PLSCR2: variants seen among roughly 807,000 people sequenced by gnomAD.
PLSCR2 encodes the protein PL scramblase 2.
In PLSCR2, 18 loss-of-function variants were observed where a neutral mutation model predicts 25.3. The ratio of observed to expected loss-of-function variants is 0.71; its 90% confidence interval spans 0.49 to 1.06. The LOEUF is 1.06. Among genes scored for constraint, PLSCR2 ranks in the 50% least tolerant of loss-of-function variants. The probability of loss-of-function intolerance (pLI) is 0.00; values close to 1 mark genes in which losing one functional copy is unlikely to be tolerated. For missense variants in PLSCR2, 243 were observed against 269.5 expected (o/e 0.90, Z 0.69); for synonymous variants, 88 against 87.3 (o/e 1.01, Z -0.04).
chr3:146,395,072 A>G (rs1230930218), intron 3 of PLSCR2, among the ~76,000 whole-genome samples: 1 of 152,204 alleles, frequency 6.6e-6, no homozygotes, highest in African/African-American at 2.4e-5. Flanking sequence ...TGAATTACCC[A>G]GTTTCAGGTA....
At chr3:146,495,760 C>A in intron 1 of PLSCR2, 1 of 631,784 alleles carries the variant, frequency 1.6e-6, no homozygotes, top group Non-Finnish European at 2.7e-6. Context: ...TTTAAGATAC[C>A]TAGTATGAGT....
chr3:146,489,014 G>A (rs1318769374), intron 1 of PLSCR2, among the ~76,000 whole-genome samples: 1 of 152,116 alleles, frequency 6.6e-6, no homozygotes, highest in Non-Finnish European at 1.5e-5. Context: ...CATGTCCTTT[G>A]CAGGACATGG....
At chr3:146,405,934 T>C (rs890968672) in intron 2 of PLSCR2, among the ~76,000 whole-genome samples, 3 of 152,182 alleles carry the variant, frequency 2.0e-5, no homozygotes, top group African/African-American at 7.2e-5. Flanking sequence ...TTCTGGAACA[T>C]AGGTTCACCT....
intron 2 of PLSCR2, among the ~76,000 whole-genome samples, chr3:146,401,054 AAAC>A (rs1263926529): frequency 2.0e-5 from 3 of 152,034 alleles, no homozygotes; most frequent in Non-Finnish European, 2.9e-5. Context: ...TTTCTATAGG[AAAC>A]ACGAGGTAGA....
upstream of PLSCR2, among the ~76,000 whole-genome samples, chr3:146,462,614 C>T (rs563659084): frequency 3.9e-5 from 6 of 151,950 alleles, no homozygotes; most frequent in East Asian, 1.9e-4. Flanking sequence ...TACAGGCACA[C>T]GCCACCATAC....
chr3:146,489,817 T>A (rs2043479490), intron 1 of PLSCR2, among the ~76,000 whole-genome samples: 1 of 152,112 alleles, frequency 6.6e-6, no homozygotes, highest in Admixed American at 6.6e-5. Flanking sequence ...CTTCAATTAG[T>A]CATGATTGAA....
At chr3:146,480,410 C>A (rs2043088008) in intron 1 of PLSCR2, among the ~76,000 whole-genome samples, 1 of 151,944 alleles carries the variant, frequency 6.6e-6, no homozygotes, top group Non-Finnish European at 1.5e-5. Flanking sequence ...GGGGATATCA[C>A]CACCGACCCC....
intron 3 of PLSCR2, among the ~76,000 whole-genome samples, chr3:146,392,850 C>CT (rs66802856): frequency 0.53 from 74,235 of 140,920 alleles, 19,446 homozygotes; most frequent in South Asian, 0.72. Context: ...TGGGTTTATT[C>CT]TTTTTTTTTT....
intron 2 of PLSCR2, among the ~76,000 whole-genome samples, chr3:146,420,938 C>G (rs2039127190): frequency 6.6e-6 from 1 of 151,922 alleles, no homozygotes; most frequent in Non-Finnish European, 1.5e-5. Flanking sequence ...AATCTCATCT[C>G]AGTTTAATAG....
chr3:146,445,605 C>T (rs914799262), intron 6 of PLSCR2, among the ~76,000 whole-genome samples: 4 of 151,998 alleles, frequency 2.6e-5, no homozygotes, highest in Admixed American at 6.6e-5. Context: ...AGTTTGAATA[C>T]AAAATGCCTT....
At chr3:146,478,752 A>G (rs1044882941) in intron 1 of PLSCR2, among the ~76,000 whole-genome samples, 3 of 152,244 alleles carry the variant, frequency 2.0e-5, no homozygotes, top group African/African-American at 7.2e-5. Context: ...AACACCACAA[A>G]GATACTCCTC....
At chr3:146,432,681 A>G (rs1002780584), downstream of PLSCR2, among the ~76,000 whole-genome samples, 3 of 152,200 alleles carry the variant, frequency 2.0e-5, no homozygotes, top group African/African-American at 7.2e-5. Context: ...AATGCCTGCT[A>G]TTAAAGTGTG....
chr3:146,419,863 G>C (rs1231331604), intron 2 of PLSCR2, among the ~76,000 whole-genome samples: 1 of 151,928 alleles, frequency 6.6e-6, no homozygotes, highest in Non-Finnish European at 1.5e-5. Flanking sequence ...CTCCATATTT[G>C]GAGCCCTTAA....
chr3:146,393,230 G>A (rs1244539197), intron 3 of PLSCR2, among the ~76,000 whole-genome samples: 8 of 151,130 alleles, frequency 5.3e-5, no homozygotes, highest in African/African-American at 7.3e-5. Flanking sequence ...GGGTTTCACC[G>A]TGTTAGTCAG....
At chr3:146,478,531 C>T (rs1279125616) in intron 1 of PLSCR2, among the ~76,000 whole-genome samples, 1 of 151,844 alleles carries the variant, frequency 6.6e-6, no homozygotes, top group Non-Finnish European at 1.5e-5. Flanking sequence ...AATGTGAATA[C>T]AATTTTAGAG....
intron 6 of PLSCR2, among the ~76,000 whole-genome samples, chr3:146,445,790 G>C (rs1851613): frequency 0.57 from 87,089 of 151,784 alleles, 25,454 homozygotes; most frequent in South Asian, 0.76. Context: ...TAGATTTGCC[G>C]TTTTGAGGCT....
In PLSCR2 at chr3:146,415,048, T is replaced by C. The variant is rs533255494; in HGVS notation, c.101-19127A>G. On this transcript the variant is annotated intron_variant and NMD_transcript_variant, in intron 2 of 3. Transcript: ENST00000463633. ...TCCTCAGACTTAAGAAACACTTTAA[T>C]TTATGGGGGTTGATCTAACTACAAC... is the stretch of plus-strand genomic sequence containing the variant. 108 of 152,726 alleles carry C rather than the reference T, an allele frequency of 7.1e-4. 1 individual carries two copies. In the South Asian group the frequency reaches 8.9e-3, roughly 13 times the overall value. 9.5% of individuals were successfully genotyped at this position (152,726 alleles called of 1,614,324 possible). A position where few individuals can be genotyped will look rare whatever the true frequency, so the allele number is the denominator to read the frequency against.
At chr3:146,435,098 A>C (rs2039763781) in intron 8 of PLSCR2, among the ~76,000 whole-genome samples, 1 of 152,116 alleles carries the variant, frequency 6.6e-6, no homozygotes, top group Non-Finnish European at 1.5e-5. Context: ...AAAGGACATG[A>C]ACTCATCATT....
At chr3:146,492,800 C>T (rs1260123779) in intron 1 of PLSCR2, among the ~76,000 whole-genome samples, 1 of 151,664 alleles carries the variant, frequency 6.6e-6, no homozygotes, top group Non-Finnish European at 1.5e-5. Flanking sequence ...TAACCAAAAC[C>T]AGAGCTAATT....
Sources: allele counts gnomAD v4.1 joint callset (sites outside exome capture counted in the v4.1 genomes callset), GRCh38; gene constraint gnomAD v4.1.1; transcripts MANE v1.5; gene names NCBI Gene and HGNC (gene_info 2026-07-23, HGNC 2026-07-21).